LGR6: variants seen among roughly 807,000 people sequenced by gnomAD.
The protein encoded by LGR6 is leucine-rich repeat-containing G protein-coupled receptor 6.
Under a neutral mutation model 69.4 loss-of-function variants are expected in LGR6, and 45 were observed. The observed-to-expected ratio is 0.65, with a 90% confidence interval of 0.51 to 0.83. The LOEUF is 0.83. Ranked by LOEUF, LGR6 falls within the 40% of genes least tolerant of loss-of-function variation. The probability of loss-of-function intolerance (pLI) is 0.00; values close to 1 mark genes in which losing one functional copy is unlikely to be tolerated. For synonymous variants in LGR6, 538 were observed against 555.0 expected, an observed-to-expected ratio of 0.97 and a Z score of 0.43; for missense variants, 1,108 against 1,246.7, an observed-to-expected ratio of 0.89 and a Z score of 1.68.
In LGR6 at chr1:202,266,926, A is replaced by T. The variant is rs1664717852; in HGVS notation, c.429-9380A>T. On this transcript the variant is annotated intron_variant, in intron 4 of 17. Coordinates refer to ENST00000367278, the MANE Select transcript of LGR6 (RefSeq NM_001017403.2). ...CGCGCACACACACACACACAATCACAATTGATTATTTGTTAATCTTCGTTG... is the reference window on the plus strand; with the variant it reads ...CGCGCACACACACACACACAATCACTATTGATTATTTGTTAATCTTCGTTG... Among the ~76,000 whole-genome samples the T allele has an allele frequency of 3.3e-5, 5 of 151,760 alleles. No individual in the cohort carries two copies. The South Asian group carries it at 1.0e-3, about 32-fold the overall frequency.
intron 6 of LGR6, among the ~76,000 whole-genome samples, chr1:202,287,007 G>A (rs1666442607): frequency 6.6e-6 from 1 of 152,140 alleles, no homozygotes; most frequent in African/African-American, 2.4e-5. Context: ...AGGCACCCCA[G>A]CCAGCTGGTC....
intron 4 of LGR6, among the ~76,000 whole-genome samples, chr1:202,262,919 T>C (rs1664348056): frequency 6.6e-6 from 1 of 151,188 alleles, no homozygotes; most frequent in Non-Finnish European, 1.5e-5. Context: ...CACTTCAATT[T>C]GTCTTTGAAA....
intron 5 of LGR6, among the ~76,000 whole-genome samples, chr1:202,277,110 A>G (rs1473477168): frequency 1.3e-5 from 2 of 152,184 alleles, no homozygotes; most frequent in African/African-American, 2.4e-5. Flanking sequence ...ATTGCTATGA[A>G]TGATTGGTAA....
chr1:202,219,781 T>G (rs908752294), intron 1 of LGR6, among the ~76,000 whole-genome samples: 4 of 152,270 alleles, frequency 2.6e-5, no homozygotes, highest in Non-Finnish European at 5.9e-5. Flanking sequence ...CATAGTCATC[T>G]GTGTCATTCT....
intron 4 of LGR6, among the ~76,000 whole-genome samples, chr1:202,273,638 G>A (rs1381497690): frequency 6.6e-6 from 1 of 151,558 alleles, no homozygotes; most frequent in Admixed American, 6.6e-5. Context: ...TGTATTTTTA[G>A]TAGAGACGGG....
In LGR6 at chr1:202,297,498, T is replaced by A. The variant is rs749062112; in HGVS notation, c.717-10T>A. 2 of 1,612,098 alleles carry A rather than the reference T, an allele frequency of 1.2e-6. No individual in the cohort carries two copies. The highest frequency in any genetic ancestry group is 1.7e-6 in the Non-Finnish European group (2 of 1,179,144). On this transcript the variant is annotated splice_polypyrimidine_tract_variant and intron_variant, in intron 6 of 17. Coordinates refer to ENST00000367278, the MANE Select transcript of LGR6 (RefSeq NM_001017403.2). ...CTTTGCCCTAATGACTGCTCTGCTT[T>A]CTGTTCCAGAGACCTGAATTATAAC...
Position 202,193,970 on chromosome 1 carries a change from C to A in LGR6, c.-20C>A. ...CGTCCGCGCCCGGCCGCCAGGTGCC[C>A]CAGTAGCCCGACCGCCGAGATGCCC... is the stretch of plus-strand genomic sequence containing the variant. On this transcript the variant is annotated 5_prime_UTR_variant, in exon 1 of 18. Transcript: ENST00000367278. 1 of 1,345,176 alleles carries A rather than the reference C, an allele frequency of 7.4e-7. No individual in the cohort carries two copies. Among genetic ancestry groups the A allele is most frequent in the South Asian group, 1.7e-5 (1 of 59,136 alleles). The allele number at this position is 1,345,176 out of a possible 1,614,324, so 83.3% of individuals were successfully genotyped here.
intron 4 of LGR6, among the ~76,000 whole-genome samples, chr1:202,241,963 C>G (rs1032460412): frequency 7.9e-5 from 12 of 152,168 alleles, no homozygotes; most frequent in African/African-American, 2.9e-4. Context: ...CCCCAACCCT[C>G]TCAGCCCAAG....
Position 202,276,483 on chromosome 1 carries a change from C to A in LGR6, c.606C>A (p.Pro202=). ...TLALNRISHI[P]DYAFQNLTSL... ...CCCTCAACCGCATCAGCCACATCCC[C>A]GACTACGCGTTCCAGAATCTCACCA... Residue 202 remains proline, a synonymous_variant, in exon 5 of 18, where the codon CCC becomes CCA. Transcript: ENST00000367278. 6.2e-7 allele frequency: 1 copy of A among 1,614,150 alleles called. No homozygotes were observed. The highest frequency in any genetic ancestry group is 8.5e-7 in the Non-Finnish European group (1 of 1,180,014).
chr1:202,314,897 G>A lies in LGR6; in HGVS notation c.1648+15G>A, dbSNP rs901058396. The A allele has an allele frequency of 1.4e-5, 23 of 1,599,900 alleles. No individual in the cohort carries two copies. The highest frequency in any genetic ancestry group is 1.6e-4 in the Middle Eastern group (1 of 6,066). On this transcript the variant is annotated intron_variant, in intron 17 of 17. Coordinates refer to ENST00000367278, the MANE Select transcript of LGR6 (RefSeq NM_001017403.2). ...CCCTACTCCAGGTGAGGTGGTGTCT[G>A]GGGAATGGGGACGAGGGGGAATGGA...
intron 1 of LGR6, among the ~76,000 whole-genome samples, chr1:202,215,920 C>T (rs894227988): frequency 6.6e-6 from 1 of 151,818 alleles, no homozygotes; most frequent in Non-Finnish European, 1.5e-5. Flanking sequence ...AGATCAGAGT[C>T]AAAAGGCCAA....
At position 202,247,352 on chromosome 1, in the gene LGR6, G is replaced by C. The variant is rs566804467; in HGVS notation, c.428+11359G>C. Among the ~76,000 whole-genome samples, 374 of 152,324 alleles carry C rather than the reference G, an allele frequency of 2.5e-3. 1 individual carries two copies. Among genetic ancestry groups the C allele is most frequent in the African/African-American group, 8.8e-3 (366 of 41,586 alleles). ...GGATTAGTATGCAATTCAAAATTGG[G>C]AATCACTGTTCTTTTGTTCAGGAGC... On this transcript the variant is annotated intron_variant, in intron 4 of 17. Transcript: ENST00000367278.
intron 1 of LGR6, among the ~76,000 whole-genome samples, chr1:202,205,357 C>CAT (rs1659136014): frequency 8.6e-6 from 1 of 115,694 alleles, no homozygotes; most frequent in Non-Finnish European, 1.8e-5. Flanking sequence ...TTCAAACACA[C>CAT]ACACACCTCC....
chr1:202,314,936 AC>A, intron 17 of LGR6, 54 bp downstream of exon 17: 1 of 1,306,584 alleles, frequency 7.7e-7, no homozygotes, highest in African/African-American at 1.5e-5. Context: ...AGGGCACCCA[AC>A]CACCTAGTTG....
At chr1:202,218,900 A>T (rs143588937) in intron 1 of LGR6, among the ~76,000 whole-genome samples, 1 of 152,276 alleles carries the variant, frequency 6.6e-6, no homozygotes, top group East Asian at 1.9e-4. Flanking sequence ...CTTTGTGAGT[A>T]AAAAGTCCTT....
intron 4 of LGR6, among the ~76,000 whole-genome samples, chr1:202,253,552 C>T (rs1183853329): frequency 6.6e-6 from 1 of 151,694 alleles, no homozygotes; most frequent in East Asian, 1.9e-4. Context: ...ATCCGCCTGC[C>T]TCGGCCTCCC....
chr1:202,214,122 G>GGGGGC, intron 1 of LGR6: 1 of 1,460,880 alleles, frequency 6.8e-7, no homozygotes, highest in African/African-American at 1.5e-5. Flanking sequence ...GCACTGGACC[G>GGGGGC]CAGAACTGGC....
intron 4 of LGR6, among the ~76,000 whole-genome samples, chr1:202,250,056 C>T (rs1663099168): frequency 6.6e-6 from 1 of 152,250 alleles, no homozygotes; most frequent in Non-Finnish European, 1.5e-5. Context: ...CCACTCTATG[C>T]TGTAGCCAGA....
intron 5 of LGR6, 56 bp downstream of exon 5, chr1:202,276,577 G>T: frequency 1.4e-6 from 2 of 1,417,448 alleles, no homozygotes; most frequent in South Asian, 1.2e-5. Flanking sequence ...GCTGGGGGCT[G>T]CATGTTTACT....
Sources: allele counts gnomAD v4.1 joint callset (sites outside exome capture counted in the v4.1 genomes callset), GRCh38; gene constraint gnomAD v4.1.1; transcripts MANE v1.5; gene names NCBI Gene and HGNC (gene_info 2026-07-23, HGNC 2026-07-21).